KCNT2: variants seen among roughly 807,000 people sequenced by gnomAD.
KCNT2 encodes potassium sodium-activated channel subfamily T member 2, also known as potassium channel subfamily T member 2.
KCNT2 carries 67 observed loss-of-function variants against 153.8 expected under a neutral mutation model. The observed-to-expected ratio is 0.44, with a 90% confidence interval of 0.36 to 0.53. KCNT2 has a LOEUF of 0.53. Ranked by LOEUF, KCNT2 falls within the 20% of genes least tolerant of loss-of-function variation. The pLI is 0.00. For synonymous variants in KCNT2, 500 were observed against 458.8 expected (o/e 1.09, Z -1.15); for missense variants, 975 against 1,354.8 (o/e 0.72, Z 4.40).
At chr1:196,259,156 T>C (rs1468588516) in intron 25 of KCNT2, among the ~76,000 whole-genome samples, 1 of 152,174 alleles carries the variant, frequency 6.6e-6, no homozygotes, top group Non-Finnish European at 1.5e-5. Context: ...GAAAATATGT[T>C]GTAAATATTA....
chr1:196,249,154 C>T (rs571924633), intron 26 of KCNT2, among the ~76,000 whole-genome samples: 1 of 152,052 alleles, frequency 6.6e-6, no homozygotes, highest in African/African-American at 2.4e-5. Flanking sequence ...GAACAAACCT[C>T]AACACAATAA....
rs1174131733 is a variant in KCNT2 at position 196,596,056 on chromosome 1, GTATATATATA to G, written c.95+12149_95+12158del. ...ATGGCTGAGTTGTATTCCATGATGT[GTATATATATA>G]TATATATATATATATATATATATAT... On this transcript the variant is annotated intron_variant, in intron 1 of 27. Coordinates refer to ENST00000294725, the MANE Select transcript of KCNT2 (RefSeq NM_198503.5). 4.6e-3 allele frequency among the ~76,000 whole-genome samples: 20 copies of G among 4,346 alleles called. 1 individual carries two copies. Among genetic ancestry groups the G allele is most frequent in the African/African-American group, 5.4e-3 (20 of 3,718 alleles). 2.9% of individuals were successfully genotyped at this position (4,346 alleles called of 152,430 possible). A position where few individuals can be genotyped will look rare whatever the true frequency, so the allele number is the denominator to read the frequency against.
At chr1:196,348,829 C>A (rs989130241) in intron 14 of KCNT2, among the ~76,000 whole-genome samples, 1 of 151,856 alleles carries the variant, frequency 6.6e-6, no homozygotes, top group African/African-American at 2.4e-5. Context: ...GGTTTGAGAC[C>A]AGCCTGACCA....
At chr1:196,332,914 A>G (rs772893511) in intron 17 of KCNT2, among the ~76,000 whole-genome samples, 1 of 151,392 alleles carries the variant, frequency 6.6e-6, no homozygotes, top group Non-Finnish European at 1.5e-5. Context: ...CCTTCCAAGT[A>G]GGTAGGATTG....
At chr1:196,326,304 T>C (rs1041216551) in intron 19 of KCNT2, among the ~76,000 whole-genome samples, 1 of 152,054 alleles carries the variant, frequency 6.6e-6, no homozygotes, top group Non-Finnish European at 1.5e-5. Context: ...TGTTATAACA[T>C]ATAAAAATGG....
intron 20 of KCNT2, 95 bp from the exon 21 acceptor site, chr1:196,316,121 A>T: frequency 8.8e-7 from 1 of 1,139,142 alleles, no homozygotes; most frequent in Admixed American, 2.7e-5. Flanking sequence ...TGCTTATATA[A>T]GTTGCCTTTA....
At chr1:196,401,116 G>C (rs920216123) in intron 12 of KCNT2, among the ~76,000 whole-genome samples, 1 of 151,726 alleles carries the variant, frequency 6.6e-6, no homozygotes, top group Non-Finnish European at 1.5e-5. Flanking sequence ...AATCCATGGC[G>C]AAGCATAAAA....
intron 1 of KCNT2, among the ~76,000 whole-genome samples, chr1:196,562,217 T>C (rs188081451): frequency 6.6e-6 from 1 of 152,122 alleles, no homozygotes; most frequent in East Asian, 1.9e-4. Flanking sequence ...TATTTTGGAA[T>C]AAAATATTTT....
At position 196,425,939 on chromosome 1, in the gene KCNT2, C is replaced by A. The variant is rs543938394; in HGVS notation, c.1034G>T (p.Arg345Leu). Residue 345 changes from arginine to leucine, a missense_variant, in exon 11 of 28, where the codon CGA becomes CTA. By Grantham distance (102) the Arg-to-Leu change is moderately radical. This residue lies in a region of KCNT2 where 202 missense variants were observed against 314.9 expected (regional missense o/e 0.64). Transcript: ENST00000294725. Reference protein sequence around the residue: ...LCPTEMDVQVRRVLQIPMWSQ... With the variant: ...LCPTEMDVQVLRVLQIPMWSQ... ...CCACATTGGAATCTGCAGTACCCTT[C>A]GAACCTGTACATCCATTTCAGTAGG... 5 of 1,612,072 alleles carry A rather than the reference C, an allele frequency of 3.1e-6. No homozygotes were observed. The highest frequency in any genetic ancestry group is 2.2e-5 in the East Asian group (1 of 44,680).
At chr1:196,419,173 T>A (rs549492065) in intron 12 of KCNT2, among the ~76,000 whole-genome samples, 10 of 151,620 alleles carry the variant, frequency 6.6e-5, no homozygotes, top group South Asian at 2.1e-4. Flanking sequence ...TAATTTTTTT[T>A]ATTTATTTTA....
intron 8 of KCNT2, among the ~76,000 whole-genome samples, chr1:196,456,136 C>G (rs772484745): frequency 2.6e-5 from 4 of 151,982 alleles, no homozygotes; most frequent in Non-Finnish European, 5.9e-5. Flanking sequence ...CCTCAGGAGG[C>G]ATGAACAGGT....
At chr1:196,479,932 CA>C (rs1678866917) in intron 4 of KCNT2, among the ~76,000 whole-genome samples, 1 of 152,100 alleles carries the variant, frequency 6.6e-6, no homozygotes, top group Non-Finnish European at 1.5e-5. Context: ...TAAAATAGAC[CA>C]TACCACCACT....
intron 1 of KCNT2, among the ~76,000 whole-genome samples, chr1:196,549,522 C>T (rs1287356573): frequency 2.6e-5 from 4 of 151,788 alleles, no homozygotes; most frequent in South Asian, 2.1e-4. Flanking sequence ...CATCTCTGGT[C>T]GGCTTGTGAC....
intron 8 of KCNT2, among the ~76,000 whole-genome samples, chr1:196,442,659 G>A (rs1302229000): frequency 1.3e-5 from 2 of 151,602 alleles, no homozygotes; most frequent in East Asian, 1.9e-4. Context: ...ATTCTAGGTA[G>A]AAGGGAGGTT....
intron 1 of KCNT2, among the ~76,000 whole-genome samples, chr1:196,572,044 C>A (rs2148952724): frequency 6.6e-6 from 1 of 152,178 alleles, no homozygotes; most frequent in South Asian, 2.1e-4. Context: ...GTCCTCTTGT[C>A]TCACATAAGG....
chr1:196,393,595 G>C (rs1035497568), intron 13 of KCNT2, among the ~76,000 whole-genome samples: 22 of 139,002 alleles, frequency 1.6e-4, no homozygotes, highest in African/African-American at 5.5e-4. Flanking sequence ...TGGGGTGTGT[G>C]CATGTATGTG....
At chr1:196,466,287 G>A (rs17699009) in intron 7 of KCNT2, among the ~76,000 whole-genome samples, 1,725 of 151,936 alleles carry the variant, frequency 0.011, 13 homozygotes, top group Non-Finnish European at 0.018. Flanking sequence ...TCTATATTTA[G>A]TCAAACAGTA....
chr1:196,599,103 C>G (rs1338808840), intron 1 of KCNT2, among the ~76,000 whole-genome samples: 1 of 152,174 alleles, frequency 6.6e-6, no homozygotes, highest in East Asian at 1.9e-4. Flanking sequence ...CTTAATGGAA[C>G]CTGTGCAGCT....
At chr1:196,387,258 A>G (rs1490995570) in intron 13 of KCNT2, among the ~76,000 whole-genome samples, 6 of 151,840 alleles carry the variant, frequency 4.0e-5, no homozygotes, top group Admixed American at 6.6e-5. Flanking sequence ...ACTATCCTCT[A>G]TCTTGGTGCA....
Sources: gnomAD v4.1 joint callset for allele counts (sites outside exome capture counted in the v4.1 genomes callset) on GRCh38, gnomAD v4.1.1 for gene constraint, gnomAD v4.1.1 regional missense constraint, MANE v1.5 for transcripts, NCBI Gene and HGNC (gene_info 2026-07-23, HGNC 2026-07-21) for gene names.